Variants in NAV1 observed in about 807,000 individuals in gnomAD.
NAV1 encodes neuron navigator 1.
Under a neutral mutation model 175.2 loss-of-function variants are expected in NAV1, and 18 were observed. The observed-to-expected ratio is 0.10, with a 90% CI of 0.07 to 0.15. NAV1 has a LOEUF of 0.15. Among genes scored for constraint, NAV1 ranks in the 10% least tolerant of loss-of-function variants. The probability of loss-of-function intolerance (pLI) is 1.00; values close to 1 mark genes in which losing one functional copy is unlikely to be tolerated. For missense variants in NAV1, 1,731 were observed against 2,436.6 expected (o/e 0.71, Z 6.10); for synonymous variants, 897 against 978.7 (o/e 0.92, Z 1.56).
At chr1:201,632,146 G>A (rs946887727) in intron 2 of NAV1, among the ~76,000 whole-genome samples, 1 of 152,210 alleles carries the variant, frequency 6.6e-6, no homozygotes, top group Non-Finnish European at 1.5e-5. Context: ...AGCAGGAGAA[G>A]GCCAAAGAGC....
rs544018934 is a variant in NAV1 at position 201,740,588 on chromosome 1, G to A, written c.1226+21833G>A. On this transcript the variant is annotated intron_variant, in intron 3 of 29. Transcript: ENST00000367296. This position sits in a 1 kb window ranked among gnomAD's most constrained non-coding sequence, Gnocchi z 4.7. ...CGTCCTGGGGTGAAAGGAGGTGGTGGGAGGCGGAAGGATGAAACGGGGGAG... is the reference window on the plus strand; with the variant it reads ...CGTCCTGGGGTGAAAGGAGGTGGTGAGAGGCGGAAGGATGAAACGGGGGAG... Among the ~76,000 whole-genome samples the A allele has an allele frequency of 3.3e-5, 5 of 152,146 alleles. No individual in the cohort carries two copies. Among genetic ancestry groups the A allele is most frequent in the Non-Finnish European group, 7.4e-5 (5 of 68,014 alleles).
At chr1:201,635,602 T>C (rs932609899) in intron 2 of NAV1, among the ~76,000 whole-genome samples, 1 of 152,186 alleles carries the variant, frequency 6.6e-6, no homozygotes, top group African/African-American at 2.4e-5. Context: ...CCTGGGACTA[T>C]AAGCAACAGC....
At position 201,813,981 on chromosome 1, in the gene NAV1, C is replaced by T. The variant is rs1397517043; in HGVS notation, c.5340+723C>T. On this transcript the variant is annotated intron_variant, in intron 28 of 29. Transcript: ENST00000367296. The surrounding 1 kb of genome is among the most constrained non-coding windows in gnomAD (Gnocchi z 4.2). ...CTGAGGCAGGAGAATGGCGTGAACT[C>T]GGGAGGCAAGAGCTTGCAGTGAGCT... 1.3e-5 allele frequency among the ~76,000 whole-genome samples: 2 copies of T among 152,066 alleles called. No individual in the cohort carries two copies. The highest frequency in any genetic ancestry group is 2.9e-5 in the Non-Finnish European group (2 of 68,008).
chr1:201,558,725 C>T (rs901279910), intron 1 of NAV1, among the ~76,000 whole-genome samples: 15 of 152,170 alleles, frequency 9.9e-5, no homozygotes, highest in Non-Finnish European at 2.9e-5. Context: ...GCTGGGATTA[C>T]AGGCGTGAGC....
At chr1:201,552,348 G>A (rs1665879316) in intron 1 of NAV1, among the ~76,000 whole-genome samples, 1 of 152,210 alleles carries the variant, frequency 6.6e-6, no homozygotes, top group South Asian at 2.1e-4. Flanking sequence ...TGGCAGGGTG[G>A]CGGGGTTGGG....
chr1:201,622,817 T>G, upstream of NAV1: 4 of 985,248 alleles, frequency 4.1e-6, no homozygotes, highest in Non-Finnish European at 4.8e-6. Flanking sequence ...TGTGGGGATG[T>G]GCCTGACGGT....
At chr1:201,593,209 G>A (rs1240098671) in intron 2 of NAV1, among the ~76,000 whole-genome samples, 1 of 152,192 alleles carries the variant, frequency 6.6e-6, no homozygotes, top group Non-Finnish European at 1.5e-5. Context: ...TAAAGCCTTA[G>A]GTAACTGATG....
rs115526330 is a variant in NAV1, at chr1:201,555,737, A to G, written c.-144+16395A>G. 8.3e-3 allele frequency among the ~76,000 whole-genome samples: 1,262 copies of G among 152,038 alleles called. 27 individuals are homozygous for G. The highest frequency in any genetic ancestry group is 0.029 in the African/African-American group (1,188 of 41,498). ...AAGGCCCTCTTCCTGTGCAGGAAAC[A>G]CAGCGGCCTAATGGAGGCAGGAAAA... On this transcript the variant is annotated intron_variant, in intron 1 of 33. Transcript: ENST00000685211.
At chr1:201,566,788 C>G (rs1236708300) in intron 1 of NAV1, among the ~76,000 whole-genome samples, 2 of 150,552 alleles carry the variant, frequency 1.3e-5, no homozygotes, top group African/African-American at 4.9e-5. Flanking sequence ...GTTAACATTT[C>G]CTTCTAGGTT....
Position 201,554,316 on chromosome 1 carries a change from A to G in NAV1, c.-144+14974A>G, listed in dbSNP as rs182310531. ...CCCGGAGCCAAGAAGTGACATGATG[A>G]AGCTGTTTTACCAGCAGGACGGCCC... On this transcript the variant is annotated intron_variant, in intron 1 of 33. Coordinates refer to the NAV1 transcript ENST00000685211. Among the ~76,000 whole-genome samples the G allele has an allele frequency of 2.0e-5, 3 of 152,294 alleles. No homozygotes were observed. The East Asian group carries it at 5.8e-4, about 29-fold the overall frequency.
chr1:201,691,365 G>A (rs1362568901), intron 1 of NAV1, among the ~76,000 whole-genome samples: 2 of 152,016 alleles, frequency 1.3e-5, no homozygotes, highest in Non-Finnish European at 2.9e-5. Flanking sequence ...AGCCTCCCTG[G>A]AAGAAGTGGT....
At chr1:201,658,457 G>A (rs1669489029) in intron 1 of NAV1, among the ~76,000 whole-genome samples, 1 of 152,126 alleles carries the variant, frequency 6.6e-6, no homozygotes, top group Non-Finnish European at 1.5e-5. Context: ...GTGAGATTCT[G>A]GCAGTAGAGG....
At chr1:201,593,940 C>A (rs1336391310) in intron 2 of NAV1, among the ~76,000 whole-genome samples, 2 of 152,108 alleles carry the variant, frequency 1.3e-5, no homozygotes, top group African/African-American at 4.8e-5. Context: ...TGCCTTCAGG[C>A]CCTGAGGGGT....
At chr1:201,652,054 G>A (rs1029847893) in intron 1 of NAV1, among the ~76,000 whole-genome samples, 3 of 152,098 alleles carry the variant, frequency 2.0e-5, no homozygotes, top group Non-Finnish European at 4.4e-5. Flanking sequence ...CAATGATGGT[G>A]GTGTTCAGGT....
chr1:201,590,344 G>A (rs76239145), intron 2 of NAV1, among the ~76,000 whole-genome samples: 4,574 of 152,226 alleles, frequency 0.03, 97 homozygotes, highest in Non-Finnish European at 0.045. Flanking sequence ...GGTCCCACCC[G>A]CCTCTCAGTT....
chr1:201,765,394 T>TC (rs1337657631), intron 3 of NAV1, among the ~76,000 whole-genome samples: 2 of 149,438 alleles, frequency 1.3e-5, no homozygotes, highest in African/African-American at 4.9e-5. Context: ...TTTTTTTTTT[T>TC]TTTTTTTTTC....
At chr1:201,613,535 C>A (rs1252221432) in intron 2 of NAV1, among the ~76,000 whole-genome samples, 2 of 152,106 alleles carry the variant, frequency 1.3e-5, no homozygotes, top group Non-Finnish European at 2.9e-5. Context: ...TATTATGGAC[C>A]AGGAACTGTC....
chr1:201,702,333 C>G (rs530007366), intron 1 of NAV1, among the ~76,000 whole-genome samples: 11 of 152,222 alleles, frequency 7.2e-5, no homozygotes, highest in Non-Finnish European at 1.5e-5. Flanking sequence ...TGCAAATATA[C>G]TAAAAACAAT....
chr1:201,577,845 G>C (rs1374942897), intron 1 of NAV1, among the ~76,000 whole-genome samples: 3 of 152,106 alleles, frequency 2.0e-5, no homozygotes, highest in Non-Finnish European at 2.9e-5. Context: ...GTCCTCCGTG[G>C]TTTCCAATGA....
Sources: gnomAD v4.1 joint callset for allele counts (sites outside exome capture counted in the v4.1 genomes callset) on GRCh38, gnomAD v4.1.1 for gene constraint, Gnocchi (gnomAD v3.1) non-coding constraint, MANE v1.5 for transcripts, NCBI Gene and HGNC (gene_info 2026-07-23, HGNC 2026-07-21) for gene names.